The following SCN2A variants were observed in gnomAD, a reference collection of about 807,000 sequenced individuals.
SCN2A encodes the protein sodium voltage-gated channel alpha subunit 2, also known as sodium channel protein type 2 subunit alpha.
A neutral mutation model predicts 188.7 loss-of-function variants in SCN2A; 20 were observed. The observed-to-expected ratio is 0.11, with a 90% CI of 0.07 to 0.15. SCN2A has a LOEUF of 0.15. Among genes scored for constraint, SCN2A ranks in the 10% least tolerant of loss-of-function variants. The pLI is 1.00. For missense variants in SCN2A, 1,278 were observed against 2,445.0 expected (o/e 0.52, Z 10.07); for synonymous variants, 804 against 833.1 (o/e 0.97, Z 0.60).
intron 1 of SCN2A, among the ~76,000 whole-genome samples, chr2:165,257,827 C>T (rs1694397025): frequency 6.6e-6 from 1 of 152,114 alleles, no homozygotes; most frequent in Admixed American, 6.5e-5. Flanking sequence ...CGTGAGCCAC[C>T]ACACCCAGCC....
At chr2:165,325,035 C>G (rs1698278270) in intron 12 of SCN2A, among the ~76,000 whole-genome samples, 1 of 152,166 alleles carries the variant, frequency 6.6e-6, no homozygotes, top group Non-Finnish European at 1.5e-5. Flanking sequence ...AGAACAAGGT[C>G]TGGGAATCTT....
intron 13 of SCN2A, chr2:165,328,178 A>T (rs1698463124): frequency 6.6e-6 from 1 of 152,442 alleles, no homozygotes; most frequent in Non-Finnish European, 1.5e-5. Flanking sequence ...AAAGCCTGAA[A>T]ATCACAGCCA....
At chr2:165,355,004 C>G (rs1359334479) in intron 17 of SCN2A, among the ~76,000 whole-genome samples, 21 of 152,182 alleles carry the variant, frequency 1.4e-4, no homozygotes, top group African/African-American at 5.1e-4. Context: ...TTGCCCACAA[C>G]AGTGTTTTTT....
intron 8 of SCN2A, 115 bp downstream of exon 8, chr2:165,312,203 C>G: frequency 2.6e-6 from 2 of 773,608 alleles, no homozygotes; most frequent in South Asian, 2.9e-5. Context: ...TCCATAAATT[C>G]TACTTCACGG....
At chr2:165,373,978 T>A (rs1258978147) in intron 21 of SCN2A, among the ~76,000 whole-genome samples, 2 of 152,092 alleles carry the variant, frequency 1.3e-5, no homozygotes, top group Non-Finnish European at 2.9e-5. Context: ...AAAAAAATGA[T>A]ACTTTTTGTG....
At chr2:165,309,084 G>T in intron 5 of SCN2A, 1 of 1,463,496 alleles carries the variant, frequency 6.8e-7, no homozygotes, top group Non-Finnish European at 9.5e-7. Flanking sequence ...CGACACTCAT[G>T]AAATTAAAAA....
chr2:165,262,193 A>T (rs1694624933), intron 1 of SCN2A, among the ~76,000 whole-genome samples: 1 of 152,076 alleles, frequency 6.6e-6, no homozygotes. Context: ...AACATGTGTG[A>T]TGAGGGTTTG....
chr2:165,333,396 G>A (rs1698806861), intron 14 of SCN2A, among the ~76,000 whole-genome samples: 1 of 151,544 alleles, frequency 6.6e-6, no homozygotes, highest in South Asian at 2.1e-4. Flanking sequence ...TAAGTTATAG[G>A]TTAGGTCATA....
intron 22 of SCN2A, among the ~76,000 whole-genome samples, chr2:165,375,819 GCACA>G (rs112644456): frequency 2.7e-5 from 4 of 146,764 alleles, no homozygotes; most frequent in Non-Finnish European, 3.0e-5. Flanking sequence ...GTGTATACAC[GCACA>G]CACACACACA....
At chr2:165,252,890 A>C (rs1694157248) in intron 1 of SCN2A, among the ~76,000 whole-genome samples, 1 of 152,058 alleles carries the variant, frequency 6.6e-6, no homozygotes, top group Non-Finnish European at 1.5e-5. Context: ...TCTTGAAAGT[A>C]AGTCAAAATT....
chr2:165,330,042 T>G (rs1698594333), intron 13 of SCN2A, among the ~76,000 whole-genome samples: 1 of 152,198 alleles, frequency 6.6e-6, no homozygotes, highest in South Asian at 2.1e-4. Context: ...AAATGTTGAT[T>G]AGTAGAAGAA....
intron 1 of SCN2A, among the ~76,000 whole-genome samples, chr2:165,258,396 C>T (rs1400759357): frequency 1.3e-5 from 2 of 152,100 alleles, no homozygotes; most frequent in East Asian, 3.9e-4. Context: ...AGCCAGTTAT[C>T]CCAGCATTGT....
At chr2:165,282,139 G>A (rs768443317) in intron 1 of SCN2A, among the ~76,000 whole-genome samples, 1 of 152,320 alleles carries the variant, frequency 6.6e-6, no homozygotes, top group South Asian at 2.1e-4. Context: ...TCAAGTTGCA[G>A]TTAGGAATGC....
intron 1 of SCN2A, among the ~76,000 whole-genome samples, 162 bp from the exon 2 acceptor site, chr2:165,295,611 G>C (rs1010461263): frequency 2.6e-5 from 4 of 152,168 alleles, no homozygotes; most frequent in Non-Finnish European, 4.4e-5. Context: ...TGAGCAAATG[G>C]ATGCACATAT....
At chr2:165,340,800 G>A (rs956490892) in intron 14 of SCN2A, among the ~76,000 whole-genome samples, 5 of 152,152 alleles carry the variant, frequency 3.3e-5, no homozygotes, top group African/African-American at 4.8e-5. Flanking sequence ...ATATTTCAAT[G>A]AACAAGGAAC....
chr2:165,372,237 T>G lies in SCN2A; in HGVS notation c.3850-988T>G, dbSNP rs78308536. ...ACTATATGAACTATGTAAGACATAA[T>G]TTTACAACTCATTGTTTTCTGTATT... On this transcript the variant is annotated intron_variant, in intron 20 of 26. Transcript: ENST00000375437. 469 of 152,294 alleles carry G rather than the reference T, an allele frequency of 3.1e-3. 3 individuals carry two copies. The highest frequency in any genetic ancestry group is 0.011 in the African/African-American group (450 of 41,588). 9.4% of individuals were successfully genotyped at this position (152,294 alleles called of 1,614,324 possible).
At chr2:165,351,918 G>A (rs1384457116) in intron 16 of SCN2A, among the ~76,000 whole-genome samples, 1 of 150,764 alleles carries the variant, frequency 6.6e-6, no homozygotes, top group African/African-American at 2.4e-5. Context: ...ATAGGGATGT[G>A]GATGAGAAAT....
At chr2:165,333,144 T>A (rs1233078355) in intron 14 of SCN2A, among the ~76,000 whole-genome samples, 2 of 152,008 alleles carry the variant, frequency 1.3e-5, no homozygotes, top group Non-Finnish European at 2.9e-5. Flanking sequence ...TAAATCAGAA[T>A]CATATCTTAT....
chr2:165,256,003 T>TTTTTC (rs1694303030), intron 1 of SCN2A, among the ~76,000 whole-genome samples: 1 of 138,424 alleles, frequency 7.2e-6, no homozygotes, highest in Non-Finnish European at 1.6e-5. Context: ...CTCTTTTCTT[T>TTTTTC]TTTTTTTTTT....
Sources: gnomAD v4.1 joint callset for allele counts (sites outside exome capture counted in the v4.1 genomes callset) on GRCh38, gnomAD v4.1.1 for gene constraint, MANE v1.5 for transcripts, NCBI Gene and HGNC (gene_info 2026-07-23, HGNC 2026-07-21) for gene names.